Variants in PRDM12 observed in about 807,000 individuals in gnomAD.
PRDM12 encodes PR domain zinc finger protein 12.
In PRDM12, 17 loss-of-function variants were observed where a neutral mutation model predicts 29.6. The observed-to-expected ratio is 0.57, with a 90% confidence interval of 0.39 to 0.86. PRDM12 has a LOEUF of 0.86. Ranked by LOEUF, PRDM12 falls within the 40% of genes least tolerant of loss-of-function variation. The pLI is 0.00. For missense variants in PRDM12, 422 were observed against 510.8 expected, an observed-to-expected ratio of 0.83 and a Z score of 1.68; for synonymous variants, 231 against 225.8, an observed-to-expected ratio of 1.02 and a Z score of -0.21.
rs548636479 is a variant in PRDM12, at chr9:130,680,211, C to T, written c.683-1037C>T. On this transcript the variant is annotated intron_variant, in intron 4 of 4. Coordinates refer to ENST00000253008, the MANE Select transcript of PRDM12 (RefSeq NM_021619.3). ...AGTTAGCCAGGTGTGCTGGCACGAG[C>T]CTGTGGTCCTAGCTGCCTGGGAGGC... Among the ~76,000 whole-genome samples, 425 of 152,054 alleles carry T rather than the reference C, an allele frequency of 2.8e-3. 1 individual carries two copies. Among genetic ancestry groups the T allele is most frequent in the Non-Finnish European group, 5.1e-3 (349 of 67,976 alleles).
rs1443107336 is a variant in PRDM12 at position 130,681,593 on chromosome 9, A to C, written c.1028A>C (p.His343Pro). 69 of 1,072,204 alleles carry C rather than the reference A, an allele frequency of 6.4e-5. No individual in the cohort carries two copies. The highest frequency in any genetic ancestry group is 1.1e-4 in the Admixed American group (2 of 18,252). 66.4% of individuals were successfully genotyped at this position (1,072,204 alleles called of 1,614,324 possible). A position where few individuals can be genotyped will look rare whatever the true frequency, so the allele number is the denominator to read the frequency against. The part of the protein sequence containing the change: ...HSPALPAPHA[H>P]APALAAAAAA... ...CCCGCGCTGCCCGCCCCGCACGCGC[A>C]CGCGCCCGCGCTCGCCGCCGCCGCC... The change falls in exon 5 of 5, where the codon CAC becomes CCC. Residue 343 changes from histidine (H) to proline (P), a missense_variant. His to Pro is a moderately conservative substitution (Grantham distance 77, BLOSUM62 -2). Around this residue, in one of 5 missense-constraint regions of PRDM12, gnomAD observed 66 missense variants for 61.5 expected, o/e 1.07. Coordinates refer to ENST00000253008, the MANE Select transcript of PRDM12 (RefSeq NM_021619.3). This position sits in a 1 kb window ranked among gnomAD's most constrained non-coding sequence, Gnocchi z 8.1.
intron 1 of PRDM12, among the ~76,000 whole-genome samples, chr9:130,665,502 G>A (rs1208090897): frequency 6.6e-6 from 1 of 152,022 alleles, no homozygotes; most frequent in Non-Finnish European, 1.5e-5. Context: ...TACGATTTCT[G>A]TTCCTCTCTT....
chr9:130,664,630 G>T lies in PRDM12; in HGVS notation c.-24G>T, dbSNP rs1830713186. On this transcript the variant is annotated 5_prime_UTR_variant, in exon 1 of 5. Coordinates refer to ENST00000253008, the MANE Select transcript of PRDM12 (RefSeq NM_021619.3). The surrounding 1 kb of genome is among the most constrained non-coding windows in gnomAD (Gnocchi z 6.4). ...CCCCCGTCGGCCCGGCCGTCCCCCGGCGCCGGGGAGCTCCGGGCCGCCCAT... is the reference window on the plus strand; with the variant it reads ...CCCCCGTCGGCCCGGCCGTCCCCCGTCGCCGGGGAGCTCCGGGCCGCCCAT... 2 of 1,500,848 alleles carry T rather than the reference G, an allele frequency of 1.3e-6. No homozygotes were observed. The highest frequency in any genetic ancestry group is 1.2e-5 in the South Asian group (1 of 80,364). The allele number at this position is 1,500,848 out of a possible 1,614,324, so 93.0% of individuals were successfully genotyped here.
intron 3 of PRDM12, among the ~76,000 whole-genome samples, chr9:130,676,495 CA>C (rs373307754): frequency 6.7e-6 from 1 of 148,462 alleles, no homozygotes; most frequent in Non-Finnish European, 1.5e-5. Flanking sequence ...GACTCCGTCT[CA>C]AAAAAAAACA....
chr9:130,674,764 T>C (rs941982298), intron 3 of PRDM12, among the ~76,000 whole-genome samples: 1 of 152,186 alleles, frequency 6.6e-6, no homozygotes, highest in Non-Finnish European at 1.5e-5. Context: ...GGTCCATATG[T>C]CTGCATCGCT....
intron 3 of PRDM12, among the ~76,000 whole-genome samples, chr9:130,676,771 G>A (rs556570516): frequency 1.5e-4 from 23 of 152,290 alleles, no homozygotes; most frequent in Middle Eastern, 3.4e-3. Context: ...CCTAAGGCTC[G>A]CCATGATGCC....
chr9:130,673,424 A>T (rs1830806696), intron 3 of PRDM12, among the ~76,000 whole-genome samples: 1 of 152,172 alleles, frequency 6.6e-6, no homozygotes, highest in East Asian at 1.9e-4. Flanking sequence ...AGAGACTCCC[A>T]GTTCCCAGCT....
Position 130,664,900 on chromosome 9 carries a change from G to C in PRDM12, c.223+24G>C. On this transcript the variant is annotated intron_variant, in intron 1 of 4. Transcript: ENST00000253008. This position sits in a 1 kb window ranked among gnomAD's most constrained non-coding sequence, Gnocchi z 6.4. ...CGGTGAGTCCAGCCGTCGGAGCCCGGCGCAATCCCTCCTCCCGGCGACCCC... is the reference window on the plus strand; with the variant it reads ...CGGTGAGTCCAGCCGTCGGAGCCCGCCGCAATCCCTCCTCCCGGCGACCCC... The C allele has an allele frequency of 6.6e-7, 1 of 1,505,672 alleles. No homozygotes were observed. Among genetic ancestry groups the C allele is most frequent in the South Asian group, 1.2e-5 (1 of 81,356 alleles). The allele number at this position is 1,505,672 out of a possible 1,614,324, so 93.3% of individuals were successfully genotyped here.
Position 130,668,682 on chromosome 9 carries a change from T to A in PRDM12, c.570+369T>A, listed in dbSNP as rs1830757874. On this transcript the variant is annotated intron_variant, in intron 3 of 4. Transcript: ENST00000253008. The surrounding 1 kb of genome is among the most constrained non-coding windows in gnomAD (Gnocchi z 4.0). ...AGATGGGGAGAGGCGGCCCAGGGAA[T>A]GCGTTGGGGTGGGAGAGAGGGCGTG... Among the ~76,000 whole-genome samples the A allele has an allele frequency of 6.6e-6, 1 of 151,868 alleles. No homozygotes were observed. The highest frequency in any genetic ancestry group is 1.5e-5 in the Non-Finnish European group (1 of 67,940).
chr9:130,667,600 A>G (rs565111448), intron 2 of PRDM12, among the ~76,000 whole-genome samples: 2 of 151,810 alleles, frequency 1.3e-5, no homozygotes, highest in South Asian at 4.2e-4. Context: ...GCCTCTCTTG[A>G]CCTCATCTCC....
In PRDM12 at chr9:130,681,469, C is replaced by G. The variant is rs1830900448; in HGVS notation, c.904C>G (p.Gln302Glu). 1 of 1,557,878 alleles carries G rather than the reference C, an allele frequency of 6.4e-7. No homozygotes were observed. The highest frequency in any genetic ancestry group is 1.8e-5 in the Admixed American group (1 of 57,006). Residue 302 changes from glutamine to glutamate, a missense_variant, in exon 5 of 5, where the codon CAG becomes GAG. Coordinates refer to ENST00000253008, the MANE Select transcript of PRDM12 (RefSeq NM_021619.3). The surrounding 1 kb of genome is among the most constrained non-coding windows in gnomAD (Gnocchi z 8.1). ...CACGGGCGAGCGCCCCTACAAGTGC[C>G]AGGTGTGCCAGAGCGCCTACTCGCA... is the stretch of plus-strand genomic sequence containing the variant. ...LHTGERPYKC[Q>E]VCQSAYSQLA...
rs371786311 is a variant in PRDM12 at position 130,668,215 on chromosome 9, C to T, written c.472C>T (p.Arg158Trp). Reference sequence around the variant, plus strand: ...CATCGATGCCAGCCAGGAGGACCACCGGAGCTGGATGACCTACATCAAGTG... The same window carrying T: ...CATCGATGCCAGCCAGGAGGACCACTGGAGCTGGATGACCTACATCAAGTG... ...YFIDASQEDH[R>W]SWMTYIKCAR... The change falls in exon 3 of 5, where the codon CGG becomes TGG. Residue 158 changes from arginine to tryptophan, a missense_variant. By Grantham distance (101) the Arg-to-Trp change is moderately radical. This residue lies in a region of PRDM12 where 300 missense variants were observed against 350.0 expected (regional missense o/e 0.86). Coordinates refer to ENST00000253008, the MANE Select transcript of PRDM12 (RefSeq NM_021619.3). This position sits in a 1 kb window ranked among gnomAD's most constrained non-coding sequence, Gnocchi z 4.0. The T allele has an allele frequency of 6.8e-6, 11 of 1,614,034 alleles. No homozygotes were observed. Among genetic ancestry groups the T allele is most frequent in the South Asian group, 2.2e-5 (2 of 91,072 alleles).
chr9:130,669,638 A>G (rs192729977), intron 3 of PRDM12, among the ~76,000 whole-genome samples: 3 of 151,016 alleles, frequency 2.0e-5, no homozygotes, highest in Admixed American at 2.0e-4. Context: ...ACATGGTGAA[A>G]CCCCGTCTCT....
In PRDM12 at chr9:130,681,764, C is replaced by G; in HGVS notation, c.*95C>G. The G allele has an allele frequency of 1.0e-6, 1 of 954,670 alleles. No homozygotes were observed. The allele number at this position is 954,670 out of a possible 1,614,324, so 59.1% of individuals were successfully genotyped here. ...CGCCCTCCAGCCCCAACCCCCGGCC[C>G]GGCGCCGCCGCGGAGCCCCGCGCGC... is the stretch of plus-strand genomic sequence containing the variant. On this transcript the variant is annotated 3_prime_UTR_variant, in exon 5 of 5. Coordinates refer to ENST00000253008, the MANE Select transcript of PRDM12 (RefSeq NM_021619.3). The surrounding 1 kb of genome is among the most constrained non-coding windows in gnomAD (Gnocchi z 8.1).
Position 130,666,805 on chromosome 9 carries a change from G to A in PRDM12, c.414+7G>A, listed in dbSNP as rs1282845541. On this transcript the variant is annotated splice_region_variant and intron_variant, in intron 2 of 4. Transcript: ENST00000253008. ...CAACAACCTCATGTGGGAGGTACGC[G>A]CGGGCTGGGGCAGAGGGGCGCAAGG... The A allele has an allele frequency of 3.8e-6, 6 of 1,593,522 alleles. No individual in the cohort carries two copies. Among genetic ancestry groups the A allele is most frequent in the Non-Finnish European group, 5.1e-6 (6 of 1,167,364 alleles).
chr9:130,669,958 G>A (rs1830773467), intron 3 of PRDM12, among the ~76,000 whole-genome samples: 1 of 152,086 alleles, frequency 6.6e-6, no homozygotes, highest in Non-Finnish European at 1.5e-5. Flanking sequence ...GCAGTGCCTG[G>A]TGGCAGAAAA....
At chr9:130,667,537 C>T (rs932595129) in intron 2 of PRDM12, among the ~76,000 whole-genome samples, 13 of 151,994 alleles carry the variant, frequency 8.6e-5, no homozygotes, top group African/African-American at 2.7e-4. Context: ...TCCAGCTCCC[C>T]CCGGCGGACC....
chr9:130,667,537 C>CCG (rs1554752086), intron 2 of PRDM12, among the ~76,000 whole-genome samples: 1 of 151,994 alleles, frequency 6.6e-6, no homozygotes, highest in Non-Finnish European at 1.5e-5. Context: ...TCCAGCTCCC[C>CCG]CCGGCGGACC....
chr9:130,680,655 A>ATTTTTTTTTTTT (rs1247286672), intron 4 of PRDM12, among the ~76,000 whole-genome samples: 13 of 85,542 alleles, frequency 1.5e-4, no homozygotes, highest in African/African-American at 9.7e-4. Flanking sequence ...ATATATATAT[A>ATTTTTTTTTTTT]TATATTTTTT....
Sources: gnomAD v4.1 joint callset for allele counts (sites outside exome capture counted in the v4.1 genomes callset) on GRCh38, gnomAD v4.1.1 for gene constraint, gnomAD v4.1.1 regional missense constraint, Gnocchi (gnomAD v3.1) non-coding constraint, MANE v1.5 for transcripts, NCBI Gene and HGNC (gene_info 2026-07-23, HGNC 2026-07-21) for gene names.